GHR: variants seen among roughly 807,000 people sequenced by gnomAD.
The protein encoded by GHR is GH receptor.
Under a neutral mutation model 67.1 loss-of-function variants are expected in GHR, and 35 were observed. The observed-to-expected ratio is 0.52, with a 90% CI of 0.40 to 0.69. The LOEUF is 0.69. GHR is among the 30% of genes least tolerant of loss of function. The pLI, the probability that GHR is intolerant of heterozygous loss-of-function variation, is 0.00. For missense variants in GHR, 792 were observed against 764.6 expected (o/e 1.04, Z -0.42); for synonymous variants, 272 against 269.1 (o/e 1.01, Z -0.10).
chr5:42,636,342 AT>A (rs1754191296), intron 3 of GHR, among the ~76,000 whole-genome samples: 1 of 152,130 alleles, frequency 6.6e-6, no homozygotes. Flanking sequence ...CATAACACAC[AT>A]TTTTTAAAGG....
chr5:42,620,522 G>T (rs143799560), intron 2 of GHR, among the ~76,000 whole-genome samples: 2 of 152,218 alleles, frequency 1.3e-5, no homozygotes, highest in African/African-American at 4.8e-5. Flanking sequence ...AATTGGTGTT[G>T]TGGAAGCAAA....
At chr5:42,572,430 A>G (rs1418996069) in intron 2 of GHR, among the ~76,000 whole-genome samples, 9 of 152,214 alleles carry the variant, frequency 5.9e-5, no homozygotes, top group Non-Finnish European at 1.3e-4. Flanking sequence ...CTTCAAACCC[A>G]AAGCAAACTT....
chr5:42,547,822 T>C (rs1375487828), intron 1 of GHR, among the ~76,000 whole-genome samples: 7 of 148,454 alleles, frequency 4.7e-5, no homozygotes, highest in African/African-American at 1.8e-4. Flanking sequence ...AATGAAATTT[T>C]AGAATTCATT....
chr5:42,468,275 C>G, intron 1 of GHR: 1 of 1,570,142 alleles, frequency 6.4e-7, no homozygotes, highest in Non-Finnish European at 8.8e-7. Context: ...TTCACCTTCA[C>G]TGGGCGGCAT....
chr5:42,451,844 G>A (rs1030762321), intron 1 of GHR, among the ~76,000 whole-genome samples: 4 of 152,062 alleles, frequency 2.6e-5, no homozygotes, highest in East Asian at 1.9e-4. Context: ...CTTGGTTGTC[G>A]GATTTCTCTC....
intron 1 of GHR, among the ~76,000 whole-genome samples, chr5:42,509,228 T>C (rs1175415415): frequency 6.6e-6 from 1 of 152,202 alleles, no homozygotes; most frequent in African/African-American, 2.4e-5. Context: ...CTGTGGAAAA[T>C]GCACACTGTG....
chr5:42,553,860 C>T (rs996702754), intron 1 of GHR, among the ~76,000 whole-genome samples: 1 of 152,128 alleles, frequency 6.6e-6, no homozygotes, highest in African/African-American at 2.4e-5. Flanking sequence ...ATAATATTTT[C>T]TGATCTTAAT....
At position 42,582,279 on chromosome 5, in the gene GHR, G is replaced by T. The variant is rs568672098; in HGVS notation, c.70+16335G>T. Among the ~76,000 whole-genome samples the T allele has an allele frequency of 2.0e-5, 3 of 152,370 alleles. No homozygotes were observed. The South Asian group carries it at 6.2e-4, about 32-fold the overall frequency. On this transcript the variant is annotated intron_variant, in intron 2 of 9. Coordinates refer to ENST00000230882, the MANE Select transcript of GHR (RefSeq NM_000163.5). ...GCCAGGGATGGCCGGAAGCCTTGTG[G>T]CTGAGCTATCAGTTCCAGGTGGAGT...
At chr5:42,481,227 C>G (rs1745619130) in intron 1 of GHR, among the ~76,000 whole-genome samples, 1 of 152,206 alleles carries the variant, frequency 6.6e-6, no homozygotes, top group African/African-American at 2.4e-5. Context: ...CCACTCTCTT[C>G]TGGCTTGTAG....
In GHR at chr5:42,720,446, T is replaced by C. The variant is rs1247788949; in HGVS notation, c.*1022T>C. 6.6e-6 allele frequency: 1 copy of C among 152,232 alleles called. No individual in the cohort carries two copies. Among genetic ancestry groups the C allele is most frequent in the Non-Finnish European group, 1.5e-5 (1 of 68,050 alleles). The allele number at this position is 152,232 out of a possible 1,614,324, so 9.4% of individuals were successfully genotyped here. A position where few individuals can be genotyped will look rare whatever the true frequency, so the allele number is the denominator to read the frequency against. ...GAGTGAGTTTTTTAGTGCGTGCAGA[T>C]GGTGAGAGATAAGATCTATAGCCTC... is the stretch of plus-strand genomic sequence containing the variant. On this transcript the variant is annotated 3_prime_UTR_variant, in exon 10 of 10. Transcript: ENST00000230882.
rs148397342 is a variant in GHR, at chr5:42,636,545, T to C, written c.136+7442T>C. ...CAGCTTCAAAACCAACTCTAATCAC[T>C]GCTCCCGAGAGAGCCCTAGCTTCTG... is the stretch of plus-strand genomic sequence containing the variant. On this transcript the variant is annotated intron_variant, in intron 3 of 9. Coordinates refer to ENST00000230882, the MANE Select transcript of GHR (RefSeq NM_000163.5). 3.8e-3 allele frequency among the ~76,000 whole-genome samples: 575 copies of C among 152,264 alleles called. 5 individuals are homozygous for C. The highest frequency in any genetic ancestry group is 0.013 in the South Asian group (63 of 4,828).
chr5:42,458,736 A>G lies in GHR; in HGVS notation c.-12+34781A>G, dbSNP rs558888616. On this transcript the variant is annotated intron_variant, in intron 1 of 9. Coordinates refer to ENST00000230882, the MANE Select transcript of GHR (RefSeq NM_000163.5). ...ATGGGAGAAAATATTTGCAAACTATACATCCGACAAAAGTCTGGTATTCAG... is the reference window on the plus strand; with the variant it reads ...ATGGGAGAAAATATTTGCAAACTATGCATCCGACAAAAGTCTGGTATTCAG... Among the ~76,000 whole-genome samples the G allele has an allele frequency of 1.3e-3, 203 of 152,328 alleles. 1 individual carries two copies. The highest frequency in any genetic ancestry group is 6.8e-3 in the Middle Eastern group (2 of 294).
At chr5:42,649,764 A>T (rs1754922602) in intron 3 of GHR, among the ~76,000 whole-genome samples, 1 of 152,182 alleles carries the variant, frequency 6.6e-6, no homozygotes. Flanking sequence ...AAAATAATTA[A>T]ATCTTAAAAG....
At chr5:42,542,871 A>G (rs1291388796) in intron 1 of GHR, among the ~76,000 whole-genome samples, 1 of 152,098 alleles carries the variant, frequency 6.6e-6, no homozygotes, top group Non-Finnish European at 1.5e-5. Context: ...ACTTACAAGC[A>G]AGAACTTCAT....
At position 42,694,633 on chromosome 5, in the gene GHR, A is replaced by C. The variant is rs570761992; in HGVS notation, c.267-284A>C. On this transcript the variant is annotated intron_variant, in intron 4 of 9. Coordinates refer to ENST00000230882, the MANE Select transcript of GHR (RefSeq NM_000163.5). Reference sequence around the variant, plus strand: ...CTTCATCTATACAACTGGCATAATAAAGTACCTACCATAGGAATCGATTTA... The same window carrying C: ...CTTCATCTATACAACTGGCATAATACAGTACCTACCATAGGAATCGATTTA... Among the ~76,000 whole-genome samples the C allele has an allele frequency of 2.6e-5, 4 of 152,294 alleles. No individual in the cohort carries two copies. The South Asian group carries it at 8.3e-4, about 32-fold the overall frequency.
intron 1 of GHR, among the ~76,000 whole-genome samples, chr5:42,517,010 C>A (rs1182936679): frequency 6.6e-6 from 1 of 152,118 alleles, no homozygotes; most frequent in Non-Finnish European, 1.5e-5. Context: ...AATTTGGAGG[C>A]ATCTTTTTCA....
chr5:42,543,929 A>G (rs1748625356), intron 1 of GHR, among the ~76,000 whole-genome samples: 1 of 152,040 alleles, frequency 6.6e-6, no homozygotes, highest in South Asian at 2.1e-4. Flanking sequence ...TTAAAAAAAC[A>G]ACCTAATATT....
intron 3 of GHR, among the ~76,000 whole-genome samples, chr5:42,684,051 T>C (rs1355426235): frequency 1.3e-5 from 2 of 152,222 alleles, no homozygotes; most frequent in Non-Finnish European, 2.9e-5. Flanking sequence ...TGCTATTATG[T>C]AACAGGCATA....
chr5:42,574,834 G>A (rs984261963), intron 2 of GHR, among the ~76,000 whole-genome samples: 2 of 152,118 alleles, frequency 1.3e-5, no homozygotes, highest in Non-Finnish European at 2.9e-5. Context: ...TTCACCCAAA[G>A]GTGGAAACTT....
Sources: allele counts gnomAD v4.1 joint callset (sites outside exome capture counted in the v4.1 genomes callset), GRCh38; gene constraint gnomAD v4.1.1; transcripts MANE v1.5; gene names NCBI Gene and HGNC (gene_info 2026-07-23, HGNC 2026-07-21).